Variants in TARBP1 observed in about 807,000 individuals in gnomAD.
TARBP1 encodes tRNA guanosine 2 -O-methyltransferase TARBP1, also known as tRNA (guanosine(18)-2'-O)-methyltransferase TARBP1.
Under a neutral mutation model 178.6 loss-of-function variants are expected in TARBP1, and 144 were observed. The observed-to-expected ratio is 0.81, with a 90% CI of 0.70 to 0.93. TARBP1 has a LOEUF of 0.93. TARBP1 is among the 40% of genes least tolerant of loss of function. TARBP1 has a pLI of 0.00. For synonymous variants in TARBP1, 787 were observed against 781.0 expected, an observed-to-expected ratio of 1.01 and a Z score of -0.13; for missense variants, 2,067 against 2,011.7, an observed-to-expected ratio of 1.03 and a Z score of -0.53.
intron 20 of TARBP1, among the ~76,000 whole-genome samples, 155 bp from the exon 21 acceptor site, chr1:234,420,967 G>GGCAC (rs1234466971): frequency 1.1e-4 from 16 of 152,288 alleles, no homozygotes; most frequent in Non-Finnish European, 1.8e-4. Flanking sequence ...GAAAAAGAAT[G>GGCAC]GCACCTTAAA....
chr1:234,432,797 C>G (rs529246434), intron 14 of TARBP1, among the ~76,000 whole-genome samples: 1 of 152,142 alleles, frequency 6.6e-6, no homozygotes, highest in Admixed American at 6.6e-5. Context: ...AGGCATTAGA[C>G]AGTGGACAGC....
intron 6 of TARBP1, among the ~76,000 whole-genome samples, chr1:234,461,294 A>T (rs1442230031): frequency 1.3e-5 from 2 of 151,436 alleles, no homozygotes; most frequent in African/African-American, 4.9e-5. Flanking sequence ...TTTTTTTAAA[A>T]GGTAATTTTT....
intron 26 of TARBP1, among the ~76,000 whole-genome samples, chr1:234,397,981 A>G (rs997889518): frequency 6.6e-6 from 1 of 151,606 alleles, no homozygotes; most frequent in Non-Finnish European, 1.5e-5. Flanking sequence ...ACTAGAATCA[A>G]GAGCTCTGCT....
intron 9 of TARBP1, among the ~76,000 whole-genome samples, chr1:234,454,831 T>C (rs2103240324): frequency 6.6e-6 from 1 of 152,312 alleles, no homozygotes; most frequent in African/African-American, 2.4e-5. Context: ...AATGTTACCT[T>C]ATGCAGCAAA....
intron 26 of TARBP1, 112 bp downstream of exon 26, chr1:234,398,270 A>C (rs935871385): frequency 1.1e-6 from 1 of 871,614 alleles, no homozygotes; most frequent in African/African-American, 1.7e-5. Context: ...GGCAGAGGTC[A>C]CCATGTCAAT....
chr1:234,435,314 T>TAAAAATAC (rs139837114), intron 13 of TARBP1, among the ~76,000 whole-genome samples: 16,039 of 150,912 alleles, frequency 0.11, 1,034 homozygotes, highest in East Asian at 0.22. Flanking sequence ...AAAAATCTAC[T>TAAAAATAC]AAAAATACAA....
intron 24 of TARBP1, among the ~76,000 whole-genome samples, chr1:234,403,401 C>G (rs1256964812): frequency 6.6e-6 from 1 of 152,144 alleles, no homozygotes; most frequent in Non-Finnish European, 1.5e-5. Context: ...CCTAAACCAC[C>G]CAGACTGAAC....
In TARBP1 at chr1:234,448,077, T is replaced by C. The variant is rs576406654; in HGVS notation, c.1961+403A>G. Among the ~76,000 whole-genome samples the C allele has an allele frequency of 1.1e-4, 17 of 152,288 alleles. No individual in the cohort carries two copies. The South Asian group carries it at 3.1e-3, about 28-fold the overall frequency. On this transcript the variant is annotated intron_variant, in intron 11 of 29. Transcript: ENST00000040877. ...CCTTAGCCTCTCTAGTAGTTGAGACTACAGACGTGCACCACCACGCCCGGC... is the reference window on the plus strand; with the variant it reads ...CCTTAGCCTCTCTAGTAGTTGAGACCACAGACGTGCACCACCACGCCCGGC...
chr1:234,478,496 C>T lies in TARBP1; in HGVS notation c.608G>A (p.Gly203Asp). 7.2e-7 allele frequency: 1 copy of T among 1,391,030 alleles called. No homozygotes were observed. Among genetic ancestry groups the T allele is most frequent in the Middle Eastern group, 2.6e-4 (1 of 3,840 alleles). 86.2% of individuals were successfully genotyped at this position (1,391,030 alleles called of 1,614,324 possible). ...GRLLPVLVQC[G>D]GAALRAVWGG... ...CCACACGGCCCGCAGCGCCGCCCCG[C>T]CACATTGGACCAGCACTGGCAGCAG... is the stretch of plus-strand genomic sequence containing the variant. The change falls in exon 1 of 30, where the codon GGC (glycine) becomes GAC (aspartate). Residue 203 changes from glycine (G) to aspartate (D), a missense_variant. Coordinates refer to ENST00000040877, the MANE Select transcript of TARBP1 (RefSeq NM_005646.4).
At chr1:234,411,597 G>A (rs1661829182) in intron 22 of TARBP1, among the ~76,000 whole-genome samples, 1 of 152,162 alleles carries the variant, frequency 6.6e-6, no homozygotes, top group East Asian at 1.9e-4. Flanking sequence ...GAGTGATGGA[G>A]ATAAGGCTCA....
At chr1:234,442,622 T>G (rs570163807) in intron 12 of TARBP1, among the ~76,000 whole-genome samples, 55 of 152,336 alleles carry the variant, frequency 3.6e-4, no homozygotes, top group Middle Eastern at 3.4e-3. Flanking sequence ...TCTTGCATAT[T>G]CCATACTACT....
At chr1:234,451,273 T>C (rs1378875326) in intron 9 of TARBP1, among the ~76,000 whole-genome samples, 1 of 152,248 alleles carries the variant, frequency 6.6e-6, no homozygotes, top group African/African-American at 2.4e-5. Flanking sequence ...AATTTCCTTT[T>C]TATAATATCT....
rs769355335 is a variant in TARBP1, at chr1:234,393,491, A to AC, written c.4436-6dup. 6.3e-7 allele frequency: 1 copy of AC among 1,587,462 alleles called. No individual in the cohort carries two copies. Among genetic ancestry groups the AC allele is most frequent in the Non-Finnish European group, 8.6e-7 (1 of 1,166,576 alleles). On this transcript the variant is annotated splice_region_variant and splice_polypyrimidine_tract_variant and intron_variant, in intron 27 of 29. Transcript: ENST00000040877. Reference sequence around the variant, plus strand: ...CCTCACAGGTCCTGCACAGTCCTGCACAGAACACCTGGGATCATTAAGATT... The same window carrying AC: ...CCTCACAGGTCCTGCACAGTCCTGCACCAGAACACCTGGGATCATTAAGATT...
In TARBP1 at chr1:234,391,649, A is replaced by T. The variant is rs749326306; in HGVS notation, c.4794T>A (p.His1598Gln). 6 of 1,613,646 alleles carry T rather than the reference A, an allele frequency of 3.7e-6. No individual in the cohort carries two copies. The highest frequency in any genetic ancestry group is 5.1e-6 in the Non-Finnish European group (6 of 1,180,034). ...CCCAGATCAGCAGGGCTCCACTCAC[A>T]TGGACATTCAGGGAGCGGATAATGC... The part of the protein sequence containing the change: ...QQGIIRSLNV[H>Q]VSGALLIWEY... The change falls in exon 30 of 30, where the codon CAT becomes CAA. Residue 1598 changes from histidine (H) to glutamine (Q), a missense_variant. By Grantham distance (24) the His-to-Gln change is conservative. Coordinates refer to ENST00000040877, the MANE Select transcript of TARBP1 (RefSeq NM_005646.4).
intron 22 of TARBP1, among the ~76,000 whole-genome samples, chr1:234,416,801 A>G (rs1027439943): frequency 2.0e-5 from 3 of 152,158 alleles, no homozygotes; most frequent in African/African-American, 7.2e-5. Flanking sequence ...TGCTGTTACC[A>G]GTTTAGTTTA....
rs749967492 is a variant in TARBP1, at chr1:234,471,174, A to G, written c.1099+14T>C. 284 of 1,567,206 alleles carry G rather than the reference A, an allele frequency of 1.8e-4. 1 individual carries two copies. The highest frequency in any genetic ancestry group is 2.3e-4 in the Non-Finnish European group (263 of 1,156,190). On this transcript the variant is annotated intron_variant, in intron 3 of 29. Transcript: ENST00000040877. Reference sequence around the variant, plus strand: ...ATAAATGTTATTAAAAAATAAAATAAAAGTAATCGTTACCATTTTCCTCTG... The same window carrying G: ...ATAAATGTTATTAAAAAATAAAATAGAAGTAATCGTTACCATTTTCCTCTG...
At chr1:234,455,538 G>A (rs1348228674) in intron 9 of TARBP1, among the ~76,000 whole-genome samples, 1 of 152,190 alleles carries the variant, frequency 6.6e-6, no homozygotes, top group Non-Finnish European at 1.5e-5. Flanking sequence ...TGCCTACTGA[G>A]ATAAAGAAAT....
intron 12 of TARBP1, among the ~76,000 whole-genome samples, chr1:234,445,416 T>G (rs911899703): frequency 6.6e-6 from 1 of 151,500 alleles, no homozygotes; most frequent in Non-Finnish European, 1.5e-5. Flanking sequence ...TCATACTTGA[T>G]AAGAGGGCAG....
At chr1:234,469,117 C>T (rs1668797708) in intron 3 of TARBP1, among the ~76,000 whole-genome samples, 1 of 130,298 alleles carries the variant, frequency 7.7e-6, no homozygotes, top group Non-Finnish European at 1.6e-5. Context: ...GACTTTCGCA[C>T]CAACCTAATA....
Sources: gnomAD v4.1 joint callset for allele counts (sites outside exome capture counted in the v4.1 genomes callset) on GRCh38, gnomAD v4.1.1 for gene constraint, MANE v1.5 for transcripts, NCBI Gene and HGNC (gene_info 2026-07-23, HGNC 2026-07-21) for gene names.